TLK1: variants seen among roughly 807,000 people sequenced by gnomAD.
The protein encoded by TLK1 is tousled like kinase 1.
A neutral mutation model predicts 105.3 loss-of-function variants in TLK1; 24 were observed. That is an observed-to-expected ratio of 0.23 (90% CI 0.17 to 0.32). The LOEUF is 0.32. Ranked by LOEUF, TLK1 falls within the 10% of genes least tolerant of loss-of-function variation. The pLI, the probability that TLK1 is intolerant of heterozygous loss-of-function variation, is 1.00. For missense variants in TLK1, 558 were observed against 910.5 expected (o/e 0.61, Z 4.98); for synonymous variants, 321 against 310.4 (o/e 1.03, Z -0.36).
At chr2:171,013,544 A>G (rs1401231708) in intron 13 of TLK1, among the ~76,000 whole-genome samples, 1 of 150,032 alleles carries the variant, frequency 6.7e-6, no homozygotes, top group Non-Finnish European at 1.5e-5. Context: ...GGGCTCAATC[A>G]ATTTGCTTGC....
At position 171,073,878 on chromosome 2, in the gene TLK1, C is replaced by CT. The variant is rs1553473012; in HGVS notation, c.330+8902_330+8903insA. On this transcript the variant is annotated intron_variant, in intron 3 of 20. Coordinates refer to ENST00000431350, the MANE Select transcript of TLK1 (RefSeq NM_012290.5). The stretch of plus-strand genomic sequence containing the variant: ...AAGAGAATAAACTTAACATTCCCCC[C>CT]CCCCCTCCTTTTTTTTTCTTTCTTT... Among the ~76,000 whole-genome samples, 21 of 94,598 alleles carry CT rather than the reference C, an allele frequency of 2.2e-4. No homozygotes were observed. The South Asian group carries it at 0.018, about 80-fold the overall frequency. The allele number at this position is 94,598 out of a possible 152,430, so 62.1% of individuals were successfully genotyped here. A position where few individuals can be genotyped will look rare whatever the true frequency, so the allele number is the denominator to read the frequency against.
In TLK1 at chr2:171,102,533, T is replaced by C. The variant is rs1041867178; in HGVS notation, c.258+15206A>G. On this transcript the variant is annotated intron_variant, in intron 2 of 20. Coordinates refer to ENST00000431350, the MANE Select transcript of TLK1 (RefSeq NM_012290.5). Reference sequence around the variant, plus strand: ...ATGCTATCAGGGTCTGGTAAGTAAATAAACAGGCGAAACAGGCTTAGGGTA... The same window carrying C: ...ATGCTATCAGGGTCTGGTAAGTAAACAAACAGGCGAAACAGGCTTAGGGTA... 7.9e-5 allele frequency among the ~76,000 whole-genome samples: 12 copies of C among 152,288 alleles called. No homozygotes were observed. In the East Asian group the frequency reaches 2.3e-3, roughly 29 times the overall value.
intron 12 of TLK1, among the ~76,000 whole-genome samples, chr2:171,019,214 A>C (rs1685356728): frequency 2.0e-5 from 3 of 152,228 alleles, no homozygotes; most frequent in Admixed American, 2.0e-4. Flanking sequence ...TTCTATTTGT[A>C]ATCAAAGTCT....
chr2:171,160,207 G>GA lies in TLK1; in HGVS notation c.139+82_139+83insT, dbSNP rs1692413130. ...CAGGGTCTGGCGGAGAAGCCCCGGG[G>GA]CGGGGGGGGCGGGGGGGGGGCGCGG... On this transcript the variant is annotated intron_variant, in intron 1 of 20. Transcript: ENST00000431350. The surrounding 1 kb of genome is among the most constrained non-coding windows in gnomAD (Gnocchi z 4.4). The GA allele has an allele frequency of 2.4e-6, 3 of 1,255,008 alleles. No homozygotes were observed. Among genetic ancestry groups the GA allele is most frequent in the Non-Finnish European group, 3.0e-6 (3 of 993,446 alleles). 77.7% of individuals were successfully genotyped at this position (1,255,008 alleles called of 1,614,324 possible).
At chr2:171,035,790 T>G (rs576270733) in intron 11 of TLK1, among the ~76,000 whole-genome samples, 2 of 152,210 alleles carry the variant, frequency 1.3e-5, no homozygotes, top group East Asian at 3.9e-4. Flanking sequence ...GGTGAGACAC[T>G]TGACTGGCCG....
chr2:171,182,085 G>C (rs1033849772), intron 1 of TLK1, among the ~76,000 whole-genome samples: 3 of 152,174 alleles, frequency 2.0e-5, no homozygotes, highest in African/African-American at 7.2e-5. Flanking sequence ...TATCAAAAAG[G>C]AATGCTAGTG....
chr2:171,174,975 G>GCT (rs1692794438), intron 1 of TLK1, among the ~76,000 whole-genome samples: 1 of 152,116 alleles, frequency 6.6e-6, no homozygotes, highest in Admixed American at 6.6e-5. Flanking sequence ...GGGTGAAGTA[G>GCT]CTCATGCCTA....
intron 11 of TLK1, among the ~76,000 whole-genome samples, chr2:171,029,215 A>C (rs1685920533): frequency 6.6e-6 from 1 of 152,204 alleles, no homozygotes; most frequent in Non-Finnish European, 1.5e-5. Flanking sequence ...CTGCAAAGGG[A>C]GTCAGTCCAG....
intron 14 of TLK1, 67 bp from the exon 15 acceptor site, chr2:171,007,130 T>C (rs1684686860): frequency 7.3e-7 from 1 of 1,374,966 alleles, no homozygotes; most frequent in African/African-American, 1.5e-5. Context: ...ATGTTTTTTA[T>C]TTTGGTGATA....
chr2:171,197,690 A>G (rs1693300154), intron 1 of TLK1, among the ~76,000 whole-genome samples: 2 of 152,092 alleles, frequency 1.3e-5, no homozygotes, highest in South Asian at 2.1e-4. Context: ...GAGGCAAGAG[A>G]ATGGCTTGAA....
chr2:171,221,838 C>T (rs1443411056), intron 1 of TLK1, among the ~76,000 whole-genome samples: 4 of 152,312 alleles, frequency 2.6e-5, no homozygotes, highest in Non-Finnish European at 2.9e-5. Context: ...TAGTCCTATC[C>T]GGTTAGGGCC....
At position 171,006,141 on chromosome 2, in the gene TLK1, A is replaced by G. The variant is rs373504553; in HGVS notation, c.1904+6T>C. ...GACATTCTGATGTTTTTAGTAATAC[A>G]CTTACCAGTAAGTGCCTGCCCCCTG... is the stretch of plus-strand genomic sequence containing the variant. On this transcript the variant is annotated splice_donor_region_variant and intron_variant, in intron 18 of 20. Transcript: ENST00000431350. 4.4e-6 allele frequency: 7 copies of G among 1,577,180 alleles called. No homozygotes were observed. In the African/African-American group the frequency reaches 8.2e-5, roughly 18 times the overall value.
chr2:171,067,078 G>A lies in TLK1; in HGVS notation c.331-5922C>T, dbSNP rs534834313. 4.0e-4 allele frequency: 456 copies of A among 1,130,560 alleles called. 1 individual carries two copies. In the Middle Eastern group the frequency reaches 4.4e-3, roughly 11 times the overall value. The allele number at this position is 1,130,560 out of a possible 1,614,324, so 70.0% of individuals were successfully genotyped here. A position where few individuals can be genotyped will look rare whatever the true frequency, so the allele number is the denominator to read the frequency against. On this transcript the variant is annotated intron_variant, in intron 3 of 20. Transcript: ENST00000431350. Reference sequence around the variant, plus strand: ...CCCCTACAAACATTCCTTTGAACACGAATCCCTAGGTCTGTACAATTATTT... The same window carrying A: ...CCCCTACAAACATTCCTTTGAACACAAATCCCTAGGTCTGTACAATTATTT...
At chr2:171,046,407 T>A in intron 10 of TLK1, 45 bp from the exon 11 acceptor site, 1 of 1,494,580 alleles carries the variant, frequency 6.7e-7, no homozygotes, top group Non-Finnish European at 8.9e-7. Flanking sequence ...CTTCCATTAC[T>A]TTTCAAGGCT....
intron 2 of TLK1, among the ~76,000 whole-genome samples, chr2:171,103,312 T>C (rs1689776233): frequency 6.9e-6 from 1 of 145,822 alleles, no homozygotes; most frequent in Non-Finnish European, 1.5e-5. Flanking sequence ...TCACACTCTG[T>C]CACTGAGGCT....
At chr2:171,165,156 C>T (rs1692583879), upstream of TLK1, among the ~76,000 whole-genome samples, 1 of 152,172 alleles carries the variant, frequency 6.6e-6, no homozygotes, top group Non-Finnish European at 1.5e-5. Flanking sequence ...AGAGGGAAAG[C>T]CAGCTTGAGA....
intron 1 of TLK1, among the ~76,000 whole-genome samples, chr2:171,130,988 GATTCTAAT>G (rs1342104087): frequency 6.6e-6 from 1 of 150,532 alleles, no homozygotes; most frequent in African/African-American, 2.5e-5. Context: ...AAAATTTTAA[GATTCTAAT>G]AATAATTTCT....
At chr2:171,189,247 G>A (rs901940168) in intron 1 of TLK1, among the ~76,000 whole-genome samples, 1 of 150,146 alleles carries the variant, frequency 6.7e-6, no homozygotes. Flanking sequence ...GCTCACTGCA[G>A]GCTCCACCTC....
In TLK1 at chr2:171,073,879, C is replaced by CA. The variant is rs951331241; in HGVS notation, c.330+8901_330+8902insT. 1.3e-3 allele frequency among the ~76,000 whole-genome samples: 125 copies of CA among 97,048 alleles called. 1 individual carries two copies. Among genetic ancestry groups the CA allele is most frequent in the Middle Eastern group, 4.5e-3 (1 of 220 alleles). 63.7% of individuals were successfully genotyped at this position (97,048 alleles called of 152,430 possible). ...AGAGAATAAACTTAACATTCCCCCCCCCCCTCCTTTTTTTTTCTTTCTTTT... is the reference window on the plus strand; with the variant it reads ...AGAGAATAAACTTAACATTCCCCCCCACCCCTCCTTTTTTTTTCTTTCTTTT... On this transcript the variant is annotated intron_variant, in intron 3 of 20. Transcript: ENST00000431350.
Sources: allele counts gnomAD v4.1 joint callset (sites outside exome capture counted in the v4.1 genomes callset), GRCh38; gene constraint gnomAD v4.1.1; non-coding constraint Gnocchi (gnomAD v3.1); transcripts MANE v1.5; gene names NCBI Gene and HGNC (gene_info 2026-07-23, HGNC 2026-07-21).